MRE11: variants seen among roughly 807,000 people sequenced by gnomAD.
The protein encoded by MRE11 is double-strand break repair protein MRE11.
MRE11 carries 62 observed loss-of-function variants against 91.7 expected under a neutral mutation model. The ratio of observed to expected loss-of-function variants is 0.68; its 90% CI spans 0.55 to 0.84. The LOEUF is 0.84. MRE11 is among the 40% of genes least tolerant of loss of function. The pLI is 0.00. For missense variants in MRE11, 796 were observed against 852.9 expected (o/e 0.93, Z 0.83); for synonymous variants, 273 against 271.4 (o/e 1.01, Z -0.06).
chr11:94,508,614 A>G, the MRE11 span, among the ~76,000 whole-genome samples: 2,625 of 152,104 alleles, frequency 0.017, 87 homozygotes, highest in African/African-American at 0.061. Flanking sequence ...TCTAGATTCT[A>G]TTTTATTTCA....
At chr11:94,468,606 T>C (rs1946630694) in intron 9 of MRE11, among the ~76,000 whole-genome samples, 1 of 152,190 alleles carries the variant, frequency 6.6e-6, no homozygotes, top group African/African-American at 2.4e-5. Context: ...TCAAGAACAA[T>C]ACAGAACAAG....
In MRE11 at chr11:94,464,333, C is replaced by G. The variant is rs534331319; in HGVS notation, c.1099-94G>C. The stretch of plus-strand genomic sequence containing the variant: ...TCCTTCAGTATTCACAGTGTTTATG[C>G]TTGATACTTTGAAATTTATGAATTA... On this transcript the variant is annotated intron_variant, in intron 10 of 19. Transcript: ENST00000323929. The G allele has an allele frequency of 1.4e-5, 21 of 1,498,986 alleles. No individual in the cohort carries two copies. The African/African-American group carries it at 1.8e-4, about 13-fold the overall frequency. The allele number at this position is 1,498,986 out of a possible 1,614,324, so 92.9% of individuals were successfully genotyped here. A position where few individuals can be genotyped will look rare whatever the true frequency, so the allele number is the denominator to read the frequency against.
At chr11:94,486,635 T>C (rs1311688616) in intron 3 of MRE11, among the ~76,000 whole-genome samples, 3 of 152,222 alleles carry the variant, frequency 2.0e-5, no homozygotes, top group Non-Finnish European at 1.5e-5. Context: ...CAAACTGTTA[T>C]ACATTTAAAC....
intron 14 of MRE11, among the ~76,000 whole-genome samples, chr11:94,454,606 A>G (rs1946200151): frequency 6.6e-6 from 1 of 152,158 alleles, no homozygotes; most frequent in African/African-American, 2.4e-5. Flanking sequence ...TTACCTAGGA[A>G]GCCCCAATTA....
chr11:94,464,280 ATTT>A, intron 10 of MRE11, 41 bp from the exon 11 acceptor site: 3 of 1,612,892 alleles, frequency 1.9e-6, no homozygotes, highest in Middle Eastern at 1.7e-4. Flanking sequence ...GGAAACAACA[ATTT>A]GCCAATTTTT....
At chr11:94,436,718 G>C (rs1195303980) in intron 17 of MRE11, among the ~76,000 whole-genome samples, 1 of 152,174 alleles carries the variant, frequency 6.6e-6, no homozygotes, top group Admixed American at 6.5e-5. Flanking sequence ...AGAGCAGAAG[G>C]CCCAGGCTAA....
At chr11:94,459,332 A>G in intron 13 of MRE11, 76 bp downstream of exon 13, 1 of 1,466,882 alleles carries the variant, frequency 6.8e-7, no homozygotes, top group Admixed American at 1.7e-5. Flanking sequence ...ATAGTGATTT[A>G]CCAGAAAAAA....
chr11:94,482,177 C>T (rs1947029001), intron 4 of MRE11, among the ~76,000 whole-genome samples: 1 of 152,298 alleles, frequency 6.6e-6, no homozygotes, highest in Middle Eastern at 3.4e-3. Flanking sequence ...TGTCTTTATG[C>T]TGGTCACTAC....
At chr11:94,499,192 C>A in the MRE11 span, 1 of 153,074 alleles carries the variant, frequency 6.5e-6, no homozygotes, top group Non-Finnish European at 1.5e-5. Flanking sequence ...ATAGTCCTAC[C>A]TCACCCTGGT....
chr11:94,498,081 T>C, upstream of MRE11: 3 of 1,608,570 alleles, frequency 1.9e-6, no homozygotes, highest in Non-Finnish European at 2.5e-6. Context: ...CTTACCACAG[T>C]GCGGAGACTC....
intron 19 of MRE11, among the ~76,000 whole-genome samples, chr11:94,426,725 T>G (rs1001826853): frequency 6.6e-6 from 1 of 152,074 alleles, no homozygotes; most frequent in Non-Finnish European, 1.5e-5. Flanking sequence ...AAGATGACAT[T>G]ACAATTGACC....
At chr11:94,511,926 A>T in the MRE11 span, among the ~76,000 whole-genome samples, 1 of 152,260 alleles carries the variant, frequency 6.6e-6, no homozygotes, top group African/African-American at 2.4e-5. Context: ...TTGTGAATAC[A>T]AAAGAGCTTG....
At chr11:94,503,761 T>C in the MRE11 span, among the ~76,000 whole-genome samples, 1 of 135,458 alleles carries the variant, frequency 7.4e-6, no homozygotes, top group Non-Finnish European at 1.5e-5. Context: ...AGACTAGCTA[T>C]ACTTGCAGTG....
intron 9 of MRE11, among the ~76,000 whole-genome samples, chr11:94,469,326 C>G (rs941258100): frequency 6.6e-6 from 1 of 152,098 alleles, no homozygotes; most frequent in Non-Finnish European, 1.5e-5. Flanking sequence ...CTAGTGGGTA[C>G]AAACCAGGGA....
intron 11 of MRE11, 98 bp downstream of exon 11, chr11:94,464,015 T>C: frequency 7.4e-7 from 1 of 1,342,914 alleles, no homozygotes. Context: ...TACAATCATA[T>C]TAAAACATCT....
At chr11:94,428,417 C>T (rs1042492485) in intron 19 of MRE11, among the ~76,000 whole-genome samples, 5 of 152,136 alleles carry the variant, frequency 3.3e-5, no homozygotes, top group African/African-American at 1.2e-4. Flanking sequence ...AATAGTAAGA[C>T]CTCATACTAT....
Position 94,492,771 on chromosome 11 carries a change from C to T in MRE11, c.20+11G>A. The T allele has an allele frequency of 6.2e-7, 1 of 1,613,964 alleles. No homozygotes were observed. Among genetic ancestry groups the T allele is most frequent in the Non-Finnish European group, 8.5e-7 (1 of 1,179,914 alleles). ...CCAAATAACAAGGGATTCCAGAAGTCAGGTGCTTACAGTGCATCTGCAGTA... is the reference window on the plus strand; with the variant it reads ...CCAAATAACAAGGGATTCCAGAAGTTAGGTGCTTACAGTGCATCTGCAGTA... On this transcript the variant is annotated intron_variant, in intron 2 of 19. Coordinates refer to ENST00000323929, the MANE Select transcript of MRE11 (RefSeq NM_005591.4).
rs185977819 is a variant in MRE11, at chr11:94,421,310, A to T, written c.2071-1129T>A. ...TTTGATGCTAGGCTTTGTTGGTGGTATCAGCACTTCCAAATGTTAGCTAAA... is the reference window on the plus strand; with the variant it reads ...TTTGATGCTAGGCTTTGTTGGTGGTTTCAGCACTTCCAAATGTTAGCTAAA... On this transcript the variant is annotated intron_variant, in intron 19 of 19. Coordinates refer to ENST00000323929, the MANE Select transcript of MRE11 (RefSeq NM_005591.4). Among the ~76,000 whole-genome samples, 169 of 152,380 alleles carry T rather than the reference A, an allele frequency of 1.1e-3. 1 individual carries two copies. The highest frequency in any genetic ancestry group is 3.9e-3 in the African/African-American group (163 of 41,592).
Position 94,461,038 on chromosome 11 carries a change from T to A in MRE11, c.1226-2A>T. The A allele has an allele frequency of 6.2e-7, 1 of 1,609,258 alleles. No individual in the cohort carries two copies. ...GTTTCCCAAAGTTGATCTCTTCTCC[T>A]AGAAAAAAAGAAGTATATCAAAAAA... On this transcript the variant is annotated splice_acceptor_variant, in intron 11 of 19. Transcript: ENST00000323929. LOFTEE classifies it high-confidence loss of function.
Sources: gnomAD v4.1 joint callset for allele counts (sites outside exome capture counted in the v4.1 genomes callset) on GRCh38, gnomAD v4.1.1 for gene constraint, MANE v1.5 for transcripts, NCBI Gene and HGNC (gene_info 2026-07-23, HGNC 2026-07-21) for gene names.